Variants in YME1L1 observed in about 807,000 individuals in gnomAD.
The protein encoded by YME1L1 is YME1 like 1 ATPase.
Under a neutral mutation model 90.4 loss-of-function variants are expected in YME1L1, and 39 were observed. The observed-to-expected ratio is 0.43, with a 90% confidence interval of 0.33 to 0.56. The LOEUF (loss-of-function observed/expected upper bound fraction) is 0.56, where lower values mean the gene tolerates loss of function less well. Ranked by LOEUF, YME1L1 falls within the 20% of genes least tolerant of loss-of-function variation. YME1L1 has a pLI of 0.03. For synonymous variants in YME1L1, 284 were observed against 287.3 expected (o/e 0.99, Z 0.12); for missense variants, 617 against 868.4 (o/e 0.71, Z 3.64).
intron 2 of YME1L1, chr10:27,146,511 C>G (rs983700153): frequency 3.9e-5 from 6 of 152,156 alleles, no homozygotes; most frequent in African/African-American, 9.7e-5. Context: ...GTGGGAAGAT[C>G]GTTTGAGGCC....
chr10:27,147,400 C>T, intron 2 of YME1L1: 1 of 1,595,406 alleles, frequency 6.3e-7, no homozygotes, highest in Non-Finnish European at 8.6e-7. Flanking sequence ...GCTGATGGAA[C>T]AAGTGAAAGA....
intron 4 of YME1L1, among the ~76,000 whole-genome samples, chr10:27,140,877 A>C (rs2057080223): frequency 6.6e-6 from 1 of 152,134 alleles, no homozygotes; most frequent in African/African-American, 2.4e-5. Context: ...ACATTAGGAA[A>C]ATTTATTAAG....
Position 27,111,700 on chromosome 10 carries a change from A to C in YME1L1, c.*277T>G, listed in dbSNP as rs1335071483. On this transcript the variant is annotated 3_prime_UTR_variant, in exon 19 of 19. Coordinates refer to ENST00000376016, the MANE Select transcript of YME1L1 (RefSeq NM_014263.4). The stretch of plus-strand genomic sequence containing the variant: ...AACATAAAATCATTAATTACTTTCA[A>C]CTTAATAACTAATTGACATTCCTCA... The C allele has an allele frequency of 6.2e-6, 3 of 482,908 alleles. No homozygotes were observed. Among genetic ancestry groups the C allele is most frequent in the Non-Finnish European group, 7.5e-6 (2 of 265,228 alleles). 29.9% of individuals were successfully genotyped at this position (482,908 alleles called of 1,614,324 possible). A position where few individuals can be genotyped will look rare whatever the true frequency, so the allele number is the denominator to read the frequency against.
chr10:27,113,187 T>C (rs1268160002), intron 18 of YME1L1, among the ~76,000 whole-genome samples: 1 of 117,736 alleles, frequency 8.5e-6, no homozygotes, highest in Non-Finnish European at 1.6e-5. Flanking sequence ...AGCACTGCAC[T>C]CCAGCCTGGG....
chr10:27,121,281 A>T (rs2056864914), intron 12 of YME1L1, 105 bp downstream of exon 12: 1 of 803,172 alleles, frequency 1.2e-6, no homozygotes, highest in Admixed American at 1.9e-5. Flanking sequence ...TATTGCATAT[A>T]AATGGAATCA....
In YME1L1 at chr10:27,147,493, T is replaced by A. The variant is rs563835268; in HGVS notation, c.168+1413A>T. 1.9e-6 allele frequency: 3 copies of A among 1,613,686 alleles called. No homozygotes were observed. The South Asian group carries it at 3.3e-5, about 18-fold the overall frequency. ...AATAGGCATTTGGAGAAACCCGCAG[T>A]GTACAGGGATTGAGAGGGAGAAGGG... On this transcript the variant is annotated intron_variant, in intron 2 of 18. Transcript: ENST00000376016.
chr10:27,130,725 T>C (rs2056967263), intron 8 of YME1L1, among the ~76,000 whole-genome samples: 1 of 152,152 alleles, frequency 6.6e-6, no homozygotes, highest in Non-Finnish European at 1.5e-5. Context: ...TGGTGGCTCG[T>C]GCCTGTAATC....
intron 18 of YME1L1, among the ~76,000 whole-genome samples, chr10:27,113,836 T>A (rs1006002813): frequency 1.2e-4 from 18 of 144,986 alleles, no homozygotes; most frequent in African/African-American, 4.0e-4. Context: ...AAAAAAAAAA[T>A]GACAAAACCC....
At chr10:27,134,439 G>A (rs2057006027) in intron 6 of YME1L1, among the ~76,000 whole-genome samples, 1 of 152,188 alleles carries the variant, frequency 6.6e-6, no homozygotes, top group Admixed American at 6.5e-5. Context: ...GCTGGGCGTG[G>A]TGGCACATGC....
rs2056855447 is a variant in YME1L1 at position 27,120,417 on chromosome 10, GT to G, written c.1411+17del. 6.4e-7 allele frequency: 1 copy of G among 1,570,528 alleles called. No homozygotes were observed. The highest frequency in any genetic ancestry group is 8.8e-7 in the Non-Finnish European group (1 of 1,142,058). ...TTACCACTTTACAGAAATGACAAAT[GT>G]TTGTTTTGATACTTACATTGATCAA... On this transcript the variant is annotated intron_variant, in intron 13 of 18. Coordinates refer to ENST00000376016, the MANE Select transcript of YME1L1 (RefSeq NM_014263.4).
At chr10:27,142,000 C>G (rs1185359887) in intron 4 of YME1L1, among the ~76,000 whole-genome samples, 1 of 152,152 alleles carries the variant, frequency 6.6e-6, no homozygotes, top group African/African-American at 2.4e-5. Flanking sequence ...TTACAACTTA[C>G]TGAAAGCCCT....
chr10:27,121,362 C>T (rs1564457361), intron 12 of YME1L1, 24 bp downstream of exon 12: 1 of 1,567,658 alleles, frequency 6.4e-7, no homozygotes, highest in Non-Finnish European at 8.8e-7. Flanking sequence ...CAGTACTTCA[C>T]AAAAATCTTC....
At position 27,121,466 on chromosome 10, in the gene YME1L1, T is replaced by C. The variant is rs778144808; in HGVS notation, c.1236-18A>G. ...GTTTAAAACTATATTGGAAAAAAAATAGTATCTTTTACTAACACTGAAGCA... is the reference window on the plus strand; with the variant it reads ...GTTTAAAACTATATTGGAAAAAAAACAGTATCTTTTACTAACACTGAAGCA... On this transcript the variant is annotated intron_variant, in intron 11 of 18. Coordinates refer to ENST00000376016, the MANE Select transcript of YME1L1 (RefSeq NM_014263.4). 23 of 1,512,188 alleles carry C rather than the reference T, an allele frequency of 1.5e-5. No individual in the cohort carries two copies. The East Asian group carries it at 4.7e-4, about 31-fold the overall frequency. The allele number at this position is 1,512,188 out of a possible 1,614,324, so 93.7% of individuals were successfully genotyped here. A position where few individuals can be genotyped will look rare whatever the true frequency, so the allele number is the denominator to read the frequency against.
chr10:27,126,151 A>C (rs2056917170), intron 9 of YME1L1, among the ~76,000 whole-genome samples: 1 of 152,144 alleles, frequency 6.6e-6, no homozygotes, highest in African/African-American at 2.4e-5. Flanking sequence ...TGATTTTTAA[A>C]ATGGAGTTAG....
At chr10:27,147,443 A>T (rs2057156076) in intron 2 of YME1L1, 2 of 1,614,188 alleles carry the variant, frequency 1.2e-6, no homozygotes, top group African/African-American at 2.7e-5. Flanking sequence ...GTGACTAAGA[A>T]CGATGGACAA....
intron 7 of YME1L1, among the ~76,000 whole-genome samples, chr10:27,132,645 C>T (rs1323065746): frequency 6.6e-6 from 1 of 151,660 alleles, no homozygotes; most frequent in Non-Finnish European, 1.5e-5. Flanking sequence ...CGGTGAAACG[C>T]CGTCTCTACT....
intron 9 of YME1L1, among the ~76,000 whole-genome samples, chr10:27,124,143 G>A (rs1277328226): frequency 2.0e-5 from 3 of 152,122 alleles, no homozygotes; most frequent in African/African-American, 7.2e-5. Context: ...TAAGGAAATA[G>A]GCATAATTTC....
chr10:27,112,001 C>G lies in YME1L1; in HGVS notation c.2127G>C (p.Glu709Asp). Reference sequence around the variant, plus strand: ...ATCATCTCACTTCCAACTTTTTCCCCTCAAGAACAATTTGAATCTCTTTGG... The same window carrying G: ...ATCATCTCACTTCCAACTTTTTCCCGTCAAGAACAATTTGAATCTCTTTGG... Reference protein sequence around the residue: ...LDAKEIQIVLEGKKLEVR With the variant: ...LDAKEIQIVLDGKKLEVR The change falls in exon 19 of 19, where the codon GAG becomes GAC. Residue 709 changes from glutamate (E) to aspartate (D), a missense_variant. This residue lies in a region of YME1L1 where 212 missense variants were observed against 330.0 expected (regional missense o/e 0.64). Transcript: ENST00000376016. 1.2e-6 allele frequency: 2 copies of G among 1,614,042 alleles called. No individual in the cohort carries two copies. The highest frequency in any genetic ancestry group is 1.7e-5 in the Admixed American group (1 of 60,022).
chr10:27,113,893 G>A (rs1282734577), intron 18 of YME1L1, among the ~76,000 whole-genome samples: 1 of 150,542 alleles, frequency 6.6e-6, no homozygotes, highest in Non-Finnish European at 1.5e-5. Context: ...TTCTTAGGTT[G>A]CAGTGAGCCG....
Sources: gnomAD v4.1 joint callset for allele counts (sites outside exome capture counted in the v4.1 genomes callset) on GRCh38, gnomAD v4.1.1 for gene constraint, gnomAD v4.1.1 regional missense constraint, MANE v1.5 for transcripts, NCBI Gene and HGNC (gene_info 2026-07-23, HGNC 2026-07-21) for gene names.